Variants in GLIS3 observed in about 807,000 individuals in gnomAD.
GLIS3 encodes GLIS family zinc finger 3, also known as zinc finger protein GLIS3.
In GLIS3, 53 loss-of-function variants were observed where a neutral mutation model predicts 78.6. That is an observed-to-expected ratio of 0.67 (90% CI 0.54 to 0.85). GLIS3 has a LOEUF of 0.85. GLIS3 is among the 40% of genes least tolerant of loss of function. The pLI is 0.00. For missense variants in GLIS3, 1,703 were observed against 1,231.1 expected, an observed-to-expected ratio of 1.38 and a Z score of -5.74; for synonymous variants, 684 against 509.9, an observed-to-expected ratio of 1.34 and a Z score of -4.60.
In GLIS3 at chr9:4,062,880, G is replaced by C. The variant is rs1369242039; in HGVS notation, c.1710+54888C>G. Among the ~76,000 whole-genome samples, 4 of 151,498 alleles carry C rather than the reference G, an allele frequency of 2.6e-5. No individual in the cohort carries two copies. In the East Asian group the frequency reaches 7.7e-4, roughly 29 times the overall value. Reference sequence around the variant, plus strand: ...GGAGGCGGAGCTTGCAGTGAGCTGAGATCATGCCACTACACTTCAGCCTGG... The same window carrying C: ...GGAGGCGGAGCTTGCAGTGAGCTGACATCATGCCACTACACTTCAGCCTGG... On this transcript the variant is annotated intron_variant, in intron 4 of 10. Transcript: ENST00000381971.
At chr9:4,390,934 A>G in the GLIS3 span, among the ~76,000 whole-genome samples, 1 of 152,206 alleles carries the variant, frequency 6.6e-6, no homozygotes, top group Non-Finnish European at 1.5e-5. Flanking sequence ...TATGTCTCAG[A>G]AGGGAAACAA....
intron 4 of GLIS3, among the ~76,000 whole-genome samples, chr9:4,010,548 C>T (rs1265632989): frequency 6.6e-6 from 1 of 151,992 alleles, no homozygotes; most frequent in Non-Finnish European, 1.5e-5. Context: ...GCCACAATTC[C>T]TCTCTGGTAA....
intron 6 of GLIS3, among the ~76,000 whole-genome samples, chr9:3,919,443 T>G (rs1487192547): frequency 6.6e-6 from 1 of 152,034 alleles, no homozygotes; most frequent in Non-Finnish European, 1.5e-5. Flanking sequence ...TGAGAACACA[T>G]GGAGACATAT....
intron 2 of GLIS3, among the ~76,000 whole-genome samples, chr9:4,212,138 G>A (rs1262478265): frequency 6.6e-6 from 1 of 152,232 alleles, no homozygotes; most frequent in African/African-American, 2.4e-5. Context: ...TATGCATCGA[G>A]TGGGTGAATG....
intron 6 of GLIS3, among the ~76,000 whole-genome samples, chr9:3,925,102 T>C (rs1229405980): frequency 6.6e-6 from 1 of 152,192 alleles, no homozygotes; most frequent in Non-Finnish European, 1.5e-5. Context: ...GAAATAAAAC[T>C]ACTTTGTTAC....
At chr9:3,945,038 C>G (rs1816198140) in intron 4 of GLIS3, among the ~76,000 whole-genome samples, 1 of 152,176 alleles carries the variant, frequency 6.6e-6, no homozygotes, top group African/African-American at 2.4e-5. Context: ...GACAATTAGC[C>G]CAGGCCCATA....
chr9:4,269,794 G>C (rs1285940335), intron 2 of GLIS3, among the ~76,000 whole-genome samples: 1 of 152,154 alleles, frequency 6.6e-6, no homozygotes, highest in Non-Finnish European at 1.5e-5. Context: ...TAAAAAAATA[G>C]TGTTGTGAAG....
At chr9:4,262,918 T>C (rs1485421302) in intron 2 of GLIS3, among the ~76,000 whole-genome samples, 2 of 146,906 alleles carry the variant, frequency 1.4e-5, no homozygotes, top group African/African-American at 2.5e-5. Context: ...ATGTTGATTG[T>C]TTCAGTGTTT....
intron 2 of GLIS3, among the ~76,000 whole-genome samples, chr9:4,318,973 C>T (rs1026798539): frequency 1.3e-5 from 2 of 152,166 alleles, no homozygotes; most frequent in African/African-American, 4.8e-5. Flanking sequence ...GCCAAAAATG[C>T]ACAACCTGAA....
At chr9:3,908,111 A>C (rs1193315138) in intron 6 of GLIS3, among the ~76,000 whole-genome samples, 1 of 152,210 alleles carries the variant, frequency 6.6e-6, no homozygotes, top group Non-Finnish European at 1.5e-5. Context: ...TGCCAGAACA[A>C]TAAGGACTGA....
chr9:4,374,173 GA>G, the GLIS3 span, among the ~76,000 whole-genome samples: 1 of 152,188 alleles, frequency 6.6e-6, no homozygotes, highest in Admixed American at 6.5e-5. Context: ...CTGCTTCAGT[GA>G]TACTGCCTTC....
In GLIS3 at chr9:4,122,621, G is replaced by T. The variant is rs74609082; in HGVS notation, c.596+3113C>A. On this transcript the variant is annotated intron_variant, in intron 3 of 10. Transcript: ENST00000381971. ...GGACTTTCTGTGTCCTGGTTCCATC[G>T]GGTCTTAAACAGAAATATTTGCAGG... Among the ~76,000 whole-genome samples the T allele has an allele frequency of 6.0e-3, 906 of 152,198 alleles. 4 individuals carry two copies. Among genetic ancestry groups the T allele is most frequent in the African/African-American group, 0.013 (532 of 41,524 alleles).
chr9:4,437,420 G>GTATGTATGTATGTATGTATC, the GLIS3 span, among the ~76,000 whole-genome samples: 25 of 127,040 alleles, frequency 2.0e-4, no homozygotes, highest in Middle Eastern at 8.7e-3. Context: ...ATGTATGTAT[G>GTATGTATGTATGTATGTATC]TATCTATCTA....
chr9:4,401,223 T>C, the GLIS3 span, among the ~76,000 whole-genome samples: 3 of 152,094 alleles, frequency 2.0e-5, no homozygotes, highest in Admixed American at 6.6e-5. Flanking sequence ...GCATTAACCA[T>C]GAACTGACAG....
intron 2 of GLIS3, among the ~76,000 whole-genome samples, chr9:4,129,520 G>A (rs748514784): frequency 6.6e-6 from 1 of 152,040 alleles, no homozygotes; most frequent in Non-Finnish European, 1.5e-5. Context: ...ATGTGATCTG[G>A]ATGTTTCAAA....
At chr9:4,431,951 T>C in the GLIS3 span, among the ~76,000 whole-genome samples, 6 of 151,782 alleles carry the variant, frequency 4.0e-5, 1 homozygote, top group South Asian at 2.1e-4. Context: ...AAAGTAGCCA[T>C]AGGCAATATG....
At chr9:4,093,797 A>C (rs2130767297) in intron 4 of GLIS3, among the ~76,000 whole-genome samples, 1 of 152,262 alleles carries the variant, frequency 6.6e-6, no homozygotes, top group Admixed American at 6.5e-5. Context: ...ATATATTTTT[A>C]AATTTTAGGC....
chr9:4,251,699 T>C (rs114573174), intron 2 of GLIS3, among the ~76,000 whole-genome samples: 11 of 152,302 alleles, frequency 7.2e-5, no homozygotes, highest in African/African-American at 2.2e-4. Context: ...TTCTTCAGTG[T>C]CGATGGTCTT....
chr9:4,395,762 CTTTT>C, the GLIS3 span, among the ~76,000 whole-genome samples: 1 of 138,190 alleles, frequency 7.2e-6, no homozygotes, highest in East Asian at 2.0e-4. Context: ...TCACCATTTT[CTTTT>C]TTCTTTTTTT....
Sources: gnomAD v4.1 joint callset for allele counts (sites outside exome capture counted in the v4.1 genomes callset) on GRCh38, gnomAD v4.1.1 for gene constraint, MANE v1.5 for transcripts, NCBI Gene and HGNC (gene_info 2026-07-23, HGNC 2026-07-21) for gene names.